KANK1: variants seen among roughly 807,000 people sequenced by gnomAD.
KANK1 encodes the protein KN motif and ankyrin repeat domains 1.
KANK1 carries 109 observed loss-of-function variants against 106.2 expected under a neutral mutation model. That is an observed-to-expected ratio of 1.03 (90% CI 0.88 to 1.20). The LOEUF (loss-of-function observed/expected upper bound fraction) is 1.20, where lower values mean the gene tolerates loss of function less well. KANK1 is among the 50% of genes most tolerant of loss of function. The pLI, the probability that KANK1 is intolerant of heterozygous loss-of-function variation, is 0.00. For missense variants in KANK1, 2,399 were observed against 1,710.7 expected (o/e 1.40, Z -7.10); for synonymous variants, 873 against 652.2 (o/e 1.34, Z -5.16).
chr9:504,428 G>C (rs993452717), upstream of KANK1, among the ~76,000 whole-genome samples: 4 of 151,784 alleles, frequency 2.6e-5, no homozygotes, highest in Non-Finnish European at 5.9e-5. Context: ...ACTGAGGGCC[G>C]CCCGCGGCCG....
chr9:545,907 G>C (rs549465589), intron 1 of KANK1, among the ~76,000 whole-genome samples: 2 of 151,784 alleles, frequency 1.3e-5, no homozygotes, highest in Non-Finnish European at 2.9e-5. Flanking sequence ...CACCATGCCC[G>C]GCTAATTTTT....
At chr9:547,922 A>G (rs1313900609) in intron 1 of KANK1, among the ~76,000 whole-genome samples, 1 of 152,222 alleles carries the variant, frequency 6.6e-6, no homozygotes, top group East Asian at 1.9e-4. Context: ...CATGTAATTT[A>G]AGAAGCCTGA....
Position 712,008 on chromosome 9 carries a change from G to T in KANK1, c.1242G>T (p.Val414=), listed in dbSNP as rs140050145. ...GAEENMNDIV[V]YHRGSRSCKD... ...AGGAGAACATGAACGACATCGTCGT[G>T]TACCACAGAGGCTCCAGGTCCTGTA... Residue 414 remains valine (V), a synonymous_variant, in exon 3 of 12, where the codon GTG becomes GTT. Transcript: ENST00000382297. 22 of 1,614,056 alleles carry T rather than the reference G, an allele frequency of 1.4e-5. No individual in the cohort carries two copies. Among genetic ancestry groups the T allele is most frequent in the Non-Finnish European group, 1.8e-5 (21 of 1,180,046 alleles).
At chr9:599,131 GC>G (rs1251229576) in intron 1 of KANK1, among the ~76,000 whole-genome samples, 1 of 149,696 alleles carries the variant, frequency 6.7e-6, no homozygotes, top group Non-Finnish European at 1.5e-5. Context: ...CAATTCTCCT[GC>G]CTCAGCCTCC....
chr9:698,947 G>C (rs973658143), intron 2 of KANK1, among the ~76,000 whole-genome samples: 1 of 152,150 alleles, frequency 6.6e-6, no homozygotes, highest in African/African-American at 2.4e-5. Flanking sequence ...GCAAAAACTT[G>C]ATCCCCAGGG....
At position 551,650 on chromosome 9, in the gene KANK1, A is replaced by G. The variant is rs535586916; in HGVS notation, c.-84+46896A>G. Among the ~76,000 whole-genome samples the G allele has an allele frequency of 3.0e-4, 46 of 152,286 alleles. 1 individual carries two copies. Among genetic ancestry groups the G allele is most frequent in the Middle Eastern group, 3.4e-3 (1 of 294 alleles). On this transcript the variant is annotated intron_variant, in intron 1 of 11. Transcript: ENST00000382297. ...CTCCACTTGGTGCTAGAAATACAGC[A>G]GTGAACAGACATGGTTCTTGCCTCC... is the stretch of plus-strand genomic sequence containing the variant.
chr9:564,344 G>A (rs1010851736), intron 1 of KANK1, among the ~76,000 whole-genome samples: 11 of 152,124 alleles, frequency 7.2e-5, no homozygotes, highest in African/African-American at 2.7e-4. Flanking sequence ...TTACAGGAGG[G>A]AGCCACCGTG....
At chr9:687,595 C>T (rs1818864718) in intron 2 of KANK1, among the ~76,000 whole-genome samples, 1 of 152,064 alleles carries the variant, frequency 6.6e-6, no homozygotes, top group South Asian at 2.1e-4. Flanking sequence ...TGCTGTTGCC[C>T]AGCCCCACCC....
At chr9:644,631 G>A (rs1197843583) in intron 1 of KANK1, among the ~76,000 whole-genome samples, 1 of 150,730 alleles carries the variant, frequency 6.6e-6, no homozygotes, top group African/African-American at 2.5e-5. Flanking sequence ...ACAGCACCCA[G>A]GGGATGGTGC....
chr9:615,336 T>C (rs551449061), intron 1 of KANK1, among the ~76,000 whole-genome samples: 1 of 152,350 alleles, frequency 6.6e-6, no homozygotes, highest in Non-Finnish European at 1.5e-5. Context: ...TTGTATTCTT[T>C]GCTCTTTTAG....
At chr9:603,163 C>T (rs866455587) in intron 1 of KANK1, among the ~76,000 whole-genome samples, 24 of 151,720 alleles carry the variant, frequency 1.6e-4, no homozygotes, top group Admixed American at 1.0e-3. Flanking sequence ...GATGTTTTTC[C>T]TCTGGACCGT....
At position 711,191 on chromosome 9, in the gene KANK1, C is replaced by G. The variant is rs139131022; in HGVS notation, c.425C>G (p.Pro142Arg). The G allele has an allele frequency of 1.2e-6, 2 of 1,614,220 alleles. No homozygotes were observed. Among genetic ancestry groups the G allele is most frequent in the Non-Finnish European group, 1.7e-6 (2 of 1,180,046 alleles). The change falls in exon 3 of 12, where the codon CCT becomes CGT. Residue 142 changes from proline to arginine, a missense_variant. Pro to Arg is a moderately radical substitution (Grantham distance 103, BLOSUM62 -2). Coordinates refer to ENST00000382297, the MANE Select transcript of KANK1 (RefSeq NM_015158.5). ...ATCCCAGAAAATCGACAGCTGCCAC[C>G]TCCCTCACCACAACTCCCAAAGCAT... ...LTIPENRQLP[P>R]PSPQLPKHNL...
intron 1 of KANK1, among the ~76,000 whole-genome samples, chr9:565,395 T>A (rs974636209): frequency 6.6e-6 from 1 of 152,226 alleles, no homozygotes; most frequent in African/African-American, 2.4e-5. Context: ...AGAGCATAAC[T>A]TGTGTAGTCA....
intron 1 of KANK1, among the ~76,000 whole-genome samples, chr9:538,393 A>T (rs2060416499): frequency 6.6e-6 from 1 of 152,202 alleles, no homozygotes; most frequent in South Asian, 2.1e-4. Flanking sequence ...CAGAATTGTT[A>T]TCAGTTCTCC....
At chr9:716,863 A>C (rs1281231211) in intron 3 of KANK1, among the ~76,000 whole-genome samples, 1 of 152,144 alleles carries the variant, frequency 6.6e-6, no homozygotes, top group Non-Finnish European at 1.5e-5. Context: ...CTGTAGCCTC[A>C]GCTACTCAGG....
chr9:528,236 C>G (rs191928572), intron 1 of KANK1, among the ~76,000 whole-genome samples: 1 of 151,844 alleles, frequency 6.6e-6, no homozygotes, highest in East Asian at 1.9e-4. Context: ...ATGGCCTTCT[C>G]AAACTGGGAA....
chr9:545,861 T>C (rs1179216868), intron 1 of KANK1, among the ~76,000 whole-genome samples: 1 of 151,106 alleles, frequency 6.6e-6, no homozygotes, highest in Non-Finnish European at 1.5e-5. Context: ...TTCTTCTGCC[T>C]CAGCCTCCCA....
chr9:521,448 C>T (rs1407414378), intron 1 of KANK1, among the ~76,000 whole-genome samples: 1 of 151,574 alleles, frequency 6.6e-6, no homozygotes, highest in Non-Finnish European at 1.5e-5. Flanking sequence ...TCTTCCTGAG[C>T]TCTTAACCTG....
intron 2 of KANK1, among the ~76,000 whole-genome samples, chr9:700,068 C>A (rs1822268563): frequency 6.6e-6 from 1 of 152,176 alleles, no homozygotes; most frequent in Admixed American, 6.5e-5. Context: ...AGTATAAACT[C>A]TGTGAGGAGA....
Sources: gnomAD v4.1 joint callset for allele counts (sites outside exome capture counted in the v4.1 genomes callset) on GRCh38, gnomAD v4.1.1 for gene constraint, MANE v1.5 for transcripts, NCBI Gene and HGNC (gene_info 2026-07-23, HGNC 2026-07-21) for gene names.